The following AGBL1 variants were observed in gnomAD, a reference collection of about 807,000 sequenced individuals.
AGBL1 encodes the protein cytosolic carboxypeptidase 4.
AGBL1 carries 130 observed loss-of-function variants against 118.9 expected under a neutral mutation model. The ratio of observed to expected loss-of-function variants is 1.09; its 90% CI spans 0.95 to 1.26. The LOEUF (loss-of-function observed/expected upper bound fraction) is 1.26, where lower values mean the gene tolerates loss of function less well. Among genes scored for constraint, AGBL1 ranks in the 50% most tolerant of loss-of-function variants. The pLI, the probability that AGBL1 is intolerant of heterozygous loss-of-function variation, is 0.00. For synonymous variants in AGBL1, 555 were observed against 478.9 expected (o/e 1.16, Z -2.08); for missense variants, 1,584 against 1,298.1 (o/e 1.22, Z -3.38).
chr15:86,814,868 A>T (rs191135545), intron 22 of AGBL1, among the ~76,000 whole-genome samples: 1 of 152,234 alleles, frequency 6.6e-6, no homozygotes, highest in East Asian at 1.9e-4. Context: ...AATACCTACT[A>T]TGTTCTTGTG....
intron 6 of AGBL1, among the ~76,000 whole-genome samples, chr15:86,232,650 G>A (rs1051476985): frequency 2.0e-5 from 3 of 152,100 alleles, no homozygotes; most frequent in Non-Finnish European, 2.9e-5. Context: ...CGGGACTTAC[G>A]GAGGGCAGGA....
intron 24 of AGBL1, among the ~76,000 whole-genome samples, chr15:87,011,969 T>TATC (rs1227549894): frequency 6.6e-6 from 1 of 151,514 alleles, no homozygotes; most frequent in Non-Finnish European, 1.5e-5. Context: ...TCCATAGAGC[T>TATC]ATCTCACCAT....
At chr15:86,895,061 T>TATC (rs1294953951) in intron 22 of AGBL1, among the ~76,000 whole-genome samples, 3 of 151,276 alleles carry the variant, frequency 2.0e-5, no homozygotes, top group Non-Finnish European at 4.4e-5. Context: ...TTCTTTCTTT[T>TATC]ATCTTCCCTC....
chr15:86,094,652 C>A (rs963907212), intron 1 of AGBL1, among the ~76,000 whole-genome samples: 8 of 152,152 alleles, frequency 5.3e-5, no homozygotes, highest in Non-Finnish European at 1.2e-4. Context: ...AATCCTACAG[C>A]AAAGGGGTTG....
intron 5 of AGBL1, among the ~76,000 whole-genome samples, chr15:86,196,008 T>C (rs768027396): frequency 6.6e-6 from 1 of 152,184 alleles, no homozygotes; most frequent in Non-Finnish European, 1.5e-5. Context: ...GGAGCTTCAG[T>C]TCAAATGCCA....
intron 18 of AGBL1, among the ~76,000 whole-genome samples, chr15:86,464,728 T>C (rs1352284595): frequency 6.6e-6 from 1 of 152,144 alleles, no homozygotes; most frequent in Non-Finnish European, 1.5e-5. Context: ...TTTGGTTTAT[T>C]TGATGGATTA....
At chr15:86,333,741 C>G (rs1050532996) in intron 17 of AGBL1, among the ~76,000 whole-genome samples, 145 of 152,096 alleles carry the variant, frequency 9.5e-4, no homozygotes, top group African/African-American at 3.4e-3. Context: ...GAAAAGGAAA[C>G]TACAGGTCAA....
chr15:87,016,753 C>A (rs954442101), intron 24 of AGBL1, among the ~76,000 whole-genome samples: 1 of 152,104 alleles, frequency 6.6e-6, no homozygotes, highest in African/African-American at 2.4e-5. Context: ...GAACCACCAC[C>A]CCCAGCCAAG....
chr15:86,290,712 T>G (rs1311443899), intron 16 of AGBL1, among the ~76,000 whole-genome samples: 1 of 151,908 alleles, frequency 6.6e-6, no homozygotes, highest in East Asian at 1.9e-4. Context: ...TATTATACTT[T>G]AAGTTTTAGG....
At chr15:86,328,648 C>G (rs2080223707) in intron 17 of AGBL1, among the ~76,000 whole-genome samples, 1 of 152,130 alleles carries the variant, frequency 6.6e-6, no homozygotes, top group Non-Finnish European at 1.5e-5. Context: ...GTGACAGTGT[C>G]TATCTCATAA....
At chr15:86,200,677 C>T (rs1490505208) in intron 5 of AGBL1, among the ~76,000 whole-genome samples, 2 of 150,226 alleles carry the variant, frequency 1.3e-5, no homozygotes, top group East Asian at 3.9e-4. Flanking sequence ...AGTGCAATGG[C>T]GCGATCTCGG....
intron 22 of AGBL1, among the ~76,000 whole-genome samples, chr15:86,756,940 T>A (rs953098498): frequency 7.1e-6 from 1 of 141,008 alleles, no homozygotes; most frequent in African/African-American, 2.6e-5. Context: ...CCAATAAACA[T>A]GTCTTTTTTT....
At chr15:86,903,038 G>A (rs763081417) in intron 22 of AGBL1, among the ~76,000 whole-genome samples, 18 of 151,936 alleles carry the variant, frequency 1.2e-4, no homozygotes, top group Non-Finnish European at 2.1e-4. Context: ...ATGAAGATTA[G>A]ATCTTTTGTT....
chr15:86,908,227 C>T lies in AGBL1; in HGVS notation c.*933C>T, dbSNP rs1192929018. On this transcript the variant is annotated 3_prime_UTR_variant, in exon 23 of 23. Coordinates refer to ENST00000614907, the MANE Select transcript of AGBL1 (RefSeq NM_001386094.1). Reference sequence around the variant, plus strand: ...GTATAGCTTAGCATTTGGTACACAACAACATTGGCTTATTTTTCTTCATAA... The same window carrying T: ...GTATAGCTTAGCATTTGGTACACAATAACATTGGCTTATTTTTCTTCATAA... 6.6e-6 allele frequency: 1 copy of T among 152,146 alleles called. No individual in the cohort carries two copies. Among genetic ancestry groups the T allele is most frequent in the African/African-American group, 2.4e-5 (1 of 41,424 alleles). The allele number at this position is 152,146 out of a possible 1,614,324, so 9.4% of individuals were successfully genotyped here. A position where few individuals can be genotyped will look rare whatever the true frequency, so the allele number is the denominator to read the frequency against.
intron 21 of AGBL1, among the ~76,000 whole-genome samples, chr15:86,619,542 C>T (rs551013709): frequency 6.6e-6 from 1 of 152,300 alleles, no homozygotes; most frequent in Non-Finnish European, 1.5e-5. Context: ...GAAAATCACA[C>T]TTAGTGTCTT....
intron 21 of AGBL1, among the ~76,000 whole-genome samples, chr15:86,600,723 C>A (rs1368939971): frequency 6.6e-6 from 1 of 152,104 alleles, no homozygotes; most frequent in Non-Finnish European, 1.5e-5. Context: ...CTTTTCCTAC[C>A]CTTACCCTCA....
chr15:86,125,678 C>T (rs991790118), intron 1 of AGBL1, among the ~76,000 whole-genome samples: 2 of 152,186 alleles, frequency 1.3e-5, no homozygotes, highest in Admixed American at 6.5e-5. Flanking sequence ...TAAAACTCAT[C>T]CCTCTTCAAC....
rs1331847013 is a variant in AGBL1, at chr15:86,334,270, C to G, written c.2374+38862C>G. ...CTTTTGATTCTATACCTAGAGAACCCTAAAGACTCCACCACAAGGCTCCTA... is the reference window on the plus strand; with the variant it reads ...CTTTTGATTCTATACCTAGAGAACCGTAAAGACTCCACCACAAGGCTCCTA... On this transcript the variant is annotated intron_variant, in intron 17 of 22. Coordinates refer to ENST00000614907, the MANE Select transcript of AGBL1 (RefSeq NM_001386094.1). Among the ~76,000 whole-genome samples the G allele has an allele frequency of 2.0e-5, 3 of 152,102 alleles. No individual in the cohort carries two copies. In the East Asian group the frequency reaches 5.8e-4, roughly 29 times the overall value.
intron 22 of AGBL1, among the ~76,000 whole-genome samples, chr15:86,888,708 T>G (rs1265835018): frequency 6.6e-6 from 1 of 152,104 alleles, no homozygotes; most frequent in African/African-American, 2.4e-5. Context: ...AATGTGCTTA[T>G]GGCCTCAAGC....
Sources: gnomAD v4.1 joint callset for allele counts (sites outside exome capture counted in the v4.1 genomes callset) on GRCh38, gnomAD v4.1.1 for gene constraint, MANE v1.5 for transcripts, NCBI Gene and HGNC (gene_info 2026-07-23, HGNC 2026-07-21) for gene names.